The following KLC3 variants were observed in gnomAD, a reference collection of about 807,000 sequenced individuals.
KLC3 encodes the protein kinesin light chain 3.
In KLC3, 72 loss-of-function variants were observed where a neutral mutation model predicts 62.9. The observed-to-expected ratio is 1.15, with a 90% confidence interval of 0.95 to 1.39. The LOEUF (loss-of-function observed/expected upper bound fraction) is 1.39, where lower values mean the gene tolerates loss of function less well. KLC3 is among the 40% of genes most tolerant of loss of function. The pLI is 0.00. For missense variants in KLC3, 848 were observed against 691.6 expected (o/e 1.23, Z -2.54); for synonymous variants, 377 against 300.5 (o/e 1.25, Z -2.63).
intron 8 of KLC3, 62 bp downstream of exon 8, chr19:45,349,664 A>C: frequency 8.7e-7 from 1 of 1,149,860 alleles, no homozygotes; most frequent in East Asian, 2.5e-5. Flanking sequence ...GGAGGCACCC[A>C]TTGGTTGGAT....
rs1211028121 is a variant in KLC3, at chr19:45,350,807, A to ACC, written c.1379+64_1379+65dup. On this transcript the variant is annotated intron_variant, in intron 11 of 12. Transcript: ENST00000391946. ...ATCAGCAGAATCCACAGCCCACCCC[A>ACC]CCCCCACCCCCATCTTGCTCAAGAA... The ACC allele has an allele frequency of 4.7e-5, 25 of 536,048 alleles. No individual in the cohort carries two copies. In the African/African-American group the frequency reaches 6.0e-4, roughly 13 times the overall value. 33.2% of individuals were successfully genotyped at this position (536,048 alleles called of 1,614,324 possible).
Position 45,346,616 on chromosome 19 carries a change from C to G in KLC3, c.331C>G (p.Arg111Gly), listed in dbSNP as rs944803977. Residue 111 changes from arginine (R) to glycine (G), a missense_variant, in exon 3 of 13, where the codon CGG becomes GGG. By Grantham distance (125) the Arg-to-Gly change is moderately radical (BLOSUM62 -2). Transcript: ENST00000391946. ...GCAGCGGCTGCGCTCGCAGGCCCGG[C>G]GGCTGGCCCAGGAGAACGTGTGGCT... ...EKQRLRSQAR[R>G]LAQENVWLRE... 8 of 1,550,702 alleles carry G rather than the reference C, an allele frequency of 5.2e-6. No homozygotes were observed. The East Asian group carries it at 1.5e-4, about 28-fold the overall frequency.
In KLC3 at chr19:45,342,066, G is replaced by T. The variant is rs578194254; in HGVS notation, c.-9+1220G>T. Among the ~76,000 whole-genome samples, 38 of 152,142 alleles carry T rather than the reference G, an allele frequency of 2.5e-4. No individual in the cohort carries two copies. In the South Asian group the frequency reaches 7.5e-3, roughly 30 times the overall value. The stretch of plus-strand genomic sequence containing the variant: ...TGTCTGGGACACAGCCCGAGTGCTG[G>T]ATGGCTGTGGTTGAGCCGTGTTTGT... On this transcript the variant is annotated intron_variant, in intron 1 of 12. Transcript: ENST00000391946.
At chr19:45,341,801 G>GTA (rs1568519534) in intron 1 of KLC3, among the ~76,000 whole-genome samples, 1 of 124,134 alleles carries the variant, frequency 8.1e-6, no homozygotes, top group African/African-American at 4.1e-5. Flanking sequence ...GTGTGTGTGT[G>GTA]TAGAGAGGAA....
At chr19:45,347,652 G>A in intron 4 of KLC3, 136 bp downstream of exon 4, 3 of 794,072 alleles carry the variant, frequency 3.8e-6, no homozygotes, top group Non-Finnish European at 4.0e-6. Flanking sequence ...GAATGTGACA[G>A]TGCAGGTGAG....
intron 1 of KLC3, 113 bp downstream of exon 1, chr19:45,340,959 G>GC: frequency 6.6e-6 from 1 of 152,338 alleles, no homozygotes; most frequent in Non-Finnish European, 1.5e-5. Flanking sequence ...GCTCCCGGAT[G>GC]CCCCCTGCCC....
At chr19:45,345,845 C>A in intron 2 of KLC3, 46 bp downstream of exon 2, 2 of 1,455,982 alleles carry the variant, frequency 1.4e-6, no homozygotes, top group Non-Finnish European at 9.1e-7. Context: ...CAGCTGAGGG[C>A]GGAGGGAGGG....
rs774787128 is a variant in KLC3, at chr19:45,350,706, G to A, written c.1338G>A (p.Leu446=). 6.2e-7 allele frequency: 1 copy of A among 1,613,638 alleles called. No homozygotes were observed. The highest frequency in any genetic ancestry group is 8.5e-7 in the Non-Finnish European group (1 of 1,179,904). The change falls in exon 11 of 13, where the codon CTG becomes CTA. Residue 446 remains leucine (L), a synonymous_variant. Coordinates refer to ENST00000391946, the MANE Select transcript of KLC3 (RefSeq NM_177417.3). The part of the protein sequence containing the change: ...RESIRRGSEK[L]VSRLRGEAAA... Reference sequence around the variant, plus strand: ...CTATCAGGCGAGGAAGTGAGAAGCTGGTCTCCCGGCTCCGAGGCGAGGCGG... The same window carrying A: ...CTATCAGGCGAGGAAGTGAGAAGCTAGTCTCCCGGCTCCGAGGCGAGGCGG...
chr19:45,342,922 T>G lies in KLC3; in HGVS notation c.-9+2076T>G, dbSNP rs563502816. Among the ~76,000 whole-genome samples the G allele has an allele frequency of 1.1e-4, 16 of 152,272 alleles. No homozygotes were observed. The South Asian group carries it at 3.3e-3, about 32-fold the overall frequency. On this transcript the variant is annotated intron_variant, in intron 1 of 12. Transcript: ENST00000391946. ...TATGTGATCGTGCATGTACAACATG[T>G]GCAAAAACCGCTGGGCTGCTTATGG...
intron 8 of KLC3, 54 bp downstream of exon 8, chr19:45,349,656 A>T (rs1408997192): frequency 1.5e-6 from 2 of 1,337,562 alleles, no homozygotes; most frequent in Non-Finnish European, 2.0e-6. Flanking sequence ...TGCCCTGGGG[A>T]GGCACCCATT....
intron 11 of KLC3, 66 bp downstream of exon 11, chr19:45,350,813 A>AC (rs1313714299): frequency 4.4e-6 from 2 of 453,620 alleles, no homozygotes; most frequent in African/African-American, 3.8e-5. Context: ...CCCCACCCCC[A>AC]CCCCCATCTT....
Position 45,350,434 on chromosome 19 carries a change from GAGCCCCT to G in KLC3, c.1234+11_1234+17del. The G allele has an allele frequency of 1.9e-6, 3 of 1,613,770 alleles. No homozygotes were observed. The highest frequency in any genetic ancestry group is 2.5e-6 in the Non-Finnish European group (3 of 1,179,822). On this transcript the variant is annotated splice_donor_5th_base_variant and intron_variant, in intron 9 of 12. Transcript: ENST00000391946. ...GGAGGACCTACCCGCCCCTCTCGGT[GAGCCCCT>G]AGCCCCTGTCTGTCTTCCCTCCTGG... is the stretch of plus-strand genomic sequence containing the variant.
intron 1 of KLC3, among the ~76,000 whole-genome samples, chr19:45,342,399 C>T (rs962079901): frequency 1.3e-5 from 2 of 151,948 alleles, no homozygotes; most frequent in Non-Finnish European, 2.9e-5. Context: ...CTAGCCTGGG[C>T]AATATGGTGA....
intron 8 of KLC3, chr19:45,350,064 C>A: frequency 2.0e-6 from 1 of 489,456 alleles, no homozygotes; most frequent in Non-Finnish European, 3.7e-6. Context: ...TAAGGCCGAG[C>A]TCCAAACCCA....
At position 45,349,698 on chromosome 19, in the gene KLC3, G is replaced by C; in HGVS notation, c.1143+96G>C. The C allele has an allele frequency of 3.4e-6, 3 of 872,638 alleles. 1 individual carries two copies. Among genetic ancestry groups the C allele is most frequent in the African/African-American group, 3.3e-5 (2 of 59,972 alleles). 54.1% of individuals were successfully genotyped at this position (872,638 alleles called of 1,614,324 possible). A position where few individuals can be genotyped will look rare whatever the true frequency, so the allele number is the denominator to read the frequency against. ...ATACAGGGTGAGCAACGTGAGGGTGGGGGGGGGCCCCCCAGGCCGGGCCCT... is the reference window on the plus strand; with the variant it reads ...ATACAGGGTGAGCAACGTGAGGGTGCGGGGGGGCCCCCCAGGCCGGGCCCT... On this transcript the variant is annotated intron_variant, in intron 8 of 12. Coordinates refer to ENST00000391946, the MANE Select transcript of KLC3 (RefSeq NM_177417.3).
chr19:45,347,582 A>G (rs370950011), intron 4 of KLC3, 66 bp downstream of exon 4: 52 of 1,434,884 alleles, frequency 3.6e-5, no homozygotes, highest in Admixed American at 1.0e-4. Context: ...TCTGAGCTGC[A>G]GGACCCCAAA....
chr19:45,341,553 T>TGG (rs1208503915), intron 1 of KLC3, among the ~76,000 whole-genome samples: 55 of 113,926 alleles, frequency 4.8e-4, no homozygotes, highest in African/African-American at 1.1e-3. Flanking sequence ...TTCTGCCTGT[T>TGG]GGTGTGTGTG....
intron 11 of KLC3, 57 bp downstream of exon 11, chr19:45,350,804 C>G (rs1419899245): frequency 7.7e-7 from 1 of 1,300,724 alleles, no homozygotes; most frequent in Non-Finnish European, 1.1e-6. Flanking sequence ...CACAGCCCAC[C>G]CCACCCCCAC....
At position 45,348,700 on chromosome 19, in the gene KLC3, C is replaced by A; in HGVS notation, c.834C>A (p.Ile278=). ...ACCTTCTCCATGATGCCCTGCAGATCCGGGAGCAGACGCTGGGCCCTGAGC... is the reference window on the plus strand; with the variant it reads ...ACCTTCTCCATGATGCCCTGCAGATACGGGAGCAGACGCTGGGCCCTGAGC... ...ATDLLHDALQ[I]REQTLGPEHP... The change falls in exon 6 of 13, where the codon ATC becomes ATA. Residue 278 remains isoleucine, a synonymous_variant. Transcript: ENST00000391946. The A allele has an allele frequency of 6.3e-7, 1 of 1,596,936 alleles. No homozygotes were observed. Among genetic ancestry groups the A allele is most frequent in the Non-Finnish European group, 8.5e-7 (1 of 1,172,050 alleles).
Sources: allele counts gnomAD v4.1 joint callset (sites outside exome capture counted in the v4.1 genomes callset), GRCh38; gene constraint gnomAD v4.1.1; transcripts MANE v1.5; gene names NCBI Gene and HGNC (gene_info 2026-07-23, HGNC 2026-07-21).